Variants in PCSK7 observed in about 807,000 individuals in gnomAD.
PCSK7 encodes proprotein convertase subtilisin/kexin type 7.
PCSK7 carries 38 observed loss-of-function variants against 73.3 expected under a neutral mutation model. The observed-to-expected ratio is 0.52, with a 90% CI of 0.40 to 0.68. The LOEUF (loss-of-function observed/expected upper bound fraction) is 0.68, where lower values mean the gene tolerates loss of function less well. Ranked by LOEUF, PCSK7 falls within the 30% of genes least tolerant of loss-of-function variation. The pLI, the probability that PCSK7 is intolerant of heterozygous loss-of-function variation, is 0.00. For missense variants in PCSK7, 692 were observed against 991.5 expected (o/e 0.70, Z 4.06); for synonymous variants, 296 against 383.8 (o/e 0.77, Z 2.68).
Position 117,206,042 on chromosome 11 carries a change from A to G in PCSK7, c.2313T>C (p.His771=), listed in dbSNP as rs375618194. Residue 771 remains histidine, a synonymous_variant, in exon 17 of 17, where the codon CAT becomes CAC. Coordinates refer to ENST00000320934, the MANE Select transcript of PCSK7 (RefSeq NM_004716.4). ...SQNKSALDCP[H]QHLDVPHGKE... ...TCCCGTGCGGTACGTCTAGGTGCTG[A>G]TGAGGGCAGTCCAGGGCGCTCTTGT... is the stretch of plus-strand genomic sequence containing the variant. 2 of 1,331,216 alleles carry G rather than the reference A, an allele frequency of 1.5e-6. No individual in the cohort carries two copies. Among genetic ancestry groups the G allele is most frequent in the African/African-American group, 1.5e-5 (1 of 66,236 alleles). The allele number at this position is 1,331,216 out of a possible 1,614,324, so 82.5% of individuals were successfully genotyped here.
Position 117,204,506 on chromosome 11 carries a change from T to TGGGCAGCTCCTCCCTGTGCCCCC in PCSK7, c.*1468_*1490dup. The TGGGCAGCTCCTCCCTGTGCCCCC allele has an allele frequency of 8.0e-7, 1 of 1,244,722 alleles. No individual in the cohort carries two copies. The highest frequency in any genetic ancestry group is 1.1e-6 in the Non-Finnish European group (1 of 873,206). The allele number at this position is 1,244,722 out of a possible 1,614,324, so 77.1% of individuals were successfully genotyped here. ...GTCACTGAGCAATGGTAACTGCACC[T>TGGGCAGCTCCTCCCTGTGCCCCC]GGGCAGCTCCTCCCTGTGCCCCCAG... On this transcript the variant is annotated 3_prime_UTR_variant, in exon 17 of 17. Transcript: ENST00000320934.
intron 12 of PCSK7, chr11:117,210,738 A>T (rs1359987402): frequency 6.6e-6 from 1 of 152,170 alleles, no homozygotes; most frequent in Non-Finnish European, 1.5e-5. Context: ...GGCATGGTGG[A>T]GGATAACTTC....
intron 12 of PCSK7, chr11:117,216,118 A>T (rs1159154316): frequency 6.6e-6 from 1 of 152,260 alleles, no homozygotes; most frequent in African/African-American, 2.4e-5. Flanking sequence ...TACAGGTGTG[A>T]GCCACCATGC....
At chr11:117,223,846 G>A in intron 8 of PCSK7, 2 of 539,388 alleles carry the variant, frequency 3.7e-6, no homozygotes, top group South Asian at 4.6e-5. Flanking sequence ...AACCAGCTGT[G>A]GTGGGGTGGA....
chr11:117,204,364 G>C lies in PCSK7; in HGVS notation c.*1633C>G, dbSNP rs759328216. Reference sequence around the variant, plus strand: ...CCTCGGCAGATCATCAGTTAGAGCGGAGAGGGCTAGCCCTGAGCCCGGCCC... The same window carrying C: ...CCTCGGCAGATCATCAGTTAGAGCGCAGAGGGCTAGCCCTGAGCCCGGCCC... On this transcript the variant is annotated 3_prime_UTR_variant, in exon 17 of 17. Transcript: ENST00000320934. 5.0e-6 allele frequency: 8 copies of C among 1,614,070 alleles called. No homozygotes were observed. The highest frequency in any genetic ancestry group is 1.3e-5 in the African/African-American group (1 of 74,898).
Position 117,205,573 on chromosome 11 carries a change from C to T in PCSK7, c.*424G>A, listed in dbSNP as rs535325038. The T allele has an allele frequency of 7.0e-4, 168 of 238,680 alleles. No individual in the cohort carries two copies. The highest frequency in any genetic ancestry group is 3.0e-3 in the African/African-American group (139 of 45,658). The allele number at this position is 238,680 out of a possible 1,614,324, so 14.8% of individuals were successfully genotyped here. On this transcript the variant is annotated 3_prime_UTR_variant, in exon 17 of 17. Transcript: ENST00000320934. Reference sequence around the variant, plus strand: ...AGGCATGTCCAGGGGCTCCTCCCAGCCTCTACCCCGAAGTCCTCTTCCCAA... The same window carrying T: ...AGGCATGTCCAGGGGCTCCTCCCAGTCTCTACCCCGAAGTCCTCTTCCCAA...
chr11:117,230,093 A>C (rs942245629), intron 2 of PCSK7: 1 of 469,544 alleles, frequency 2.1e-6, no homozygotes, highest in Non-Finnish European at 3.8e-6. Flanking sequence ...CCACAGCAAG[A>C]CAGCCAATCC....
rs760671083 is a variant in PCSK7, at chr11:117,204,491, A to G, written c.*1506T>C. Reference sequence around the variant, plus strand: ...AAGCTTTGAGGCTCTGTCACTGAGCAATGGTAACTGCACCTGGGCAGCTCC... The same window carrying G: ...AAGCTTTGAGGCTCTGTCACTGAGCGATGGTAACTGCACCTGGGCAGCTCC... On this transcript the variant is annotated 3_prime_UTR_variant, in exon 17 of 17. Transcript: ENST00000320934. 32 of 1,370,978 alleles carry G rather than the reference A, an allele frequency of 2.3e-5. No individual in the cohort carries two copies. Among genetic ancestry groups the G allele is most frequent in the Non-Finnish European group, 3.0e-5 (29 of 982,560 alleles). The allele number at this position is 1,370,978 out of a possible 1,614,324, so 84.9% of individuals were successfully genotyped here.
chr11:117,210,654 G>C (rs1441858933), intron 12 of PCSK7: 1 of 152,212 alleles, frequency 6.6e-6, no homozygotes, highest in Non-Finnish European at 1.5e-5. Flanking sequence ...ACTGCACCCG[G>C]CCGAATACAA....
chr11:117,226,017 G>T lies in PCSK7; in HGVS notation c.774C>A (p.Ile258=). 1 of 1,595,918 alleles carries T rather than the reference G, an allele frequency of 6.3e-7. No individual in the cohort carries two copies. The highest frequency in any genetic ancestry group is 8.6e-7 in the Non-Finnish European group (1 of 1,163,364). Residue 258 remains isoleucine, a synonymous_variant, in exon 6 of 17, where the codon ATC becomes ATA. Transcript: ENST00000320934. ...GVAYGSRIAG[I]RVLDGPLTDS... is the part of the protein sequence containing the mutation. The stretch of plus-strand genomic sequence containing the variant: ...CTGTGAGAGGTCCATCCAGTACCCG[G>T]ATACCTAGGCAATGAAGGCCACAGC...
At chr11:117,224,872 G>T in intron 6 of PCSK7, 117 bp from the exon 7 acceptor site, 1 of 770,772 alleles carries the variant, frequency 1.3e-6, no homozygotes, top group Non-Finnish European at 2.3e-6. Context: ...TCCTCCCAAG[G>T]GTTCCACTTA....
rs2032324226 is a variant in PCSK7, at chr11:117,224,285, C to T, written c.916-69G>A. The T allele has an allele frequency of 2.0e-6, 3 of 1,478,224 alleles. No individual in the cohort carries two copies. In the South Asian group the frequency reaches 3.5e-5, roughly 17 times the overall value. 91.6% of individuals were successfully genotyped at this position (1,478,224 alleles called of 1,614,324 possible). A position where few individuals can be genotyped will look rare whatever the true frequency, so the allele number is the denominator to read the frequency against. The stretch of plus-strand genomic sequence containing the variant: ...AAAGACCTCCGCCTACCACATCAGT[C>T]ACCCTCTCCACCCCTTCTAGAAACA... On this transcript the variant is annotated intron_variant, in intron 7 of 16. Coordinates refer to ENST00000320934, the MANE Select transcript of PCSK7 (RefSeq NM_004716.4).
chr11:117,205,523 T>C lies in PCSK7; in HGVS notation c.*474A>G, dbSNP rs1198249788. 1 of 234,822 alleles carries C rather than the reference T, an allele frequency of 4.3e-6. No individual in the cohort carries two copies. Among genetic ancestry groups the C allele is most frequent in the African/African-American group, 2.2e-5 (1 of 45,396 alleles). 14.5% of individuals were successfully genotyped at this position (234,822 alleles called of 1,614,324 possible). ...TCTGATCAGGCATCTTGGGAATGGA[T>C]AATGGAGGCAGCCGCTTTCAGGACA... On this transcript the variant is annotated 3_prime_UTR_variant, in exon 17 of 17. Transcript: ENST00000320934.
intron 9 of PCSK7, chr11:117,220,786 AG>A (rs1296435784): frequency 1.3e-5 from 2 of 152,266 alleles, no homozygotes; most frequent in Non-Finnish European, 2.9e-5. Flanking sequence ...CCAGCAAGAG[AG>A]GACTGTGTCC....
intron 12 of PCSK7, chr11:117,216,979 G>C (rs1194228565): frequency 6.6e-6 from 1 of 152,124 alleles, no homozygotes; most frequent in African/African-American, 2.4e-5. Flanking sequence ...AGGAGCTGGG[G>C]GTAGGGAAAA....
Position 117,229,686 on chromosome 11 carries a change from GC to G in PCSK7, c.158del (p.Ser53ThrfsTer32), listed in dbSNP as rs769483629. 5.3e-5 allele frequency: 85 copies of G among 1,613,922 alleles called. No individual in the cohort carries two copies. Among genetic ancestry groups the G allele is most frequent in the Non-Finnish European group, 7.1e-5 (84 of 1,179,822 alleles). ...GPDGQGTGGP[S>X]WAVHLESLEG... ...CCAGGCTTTCCAGGTGCACAGCCCAGCTCGGCCCCCCTGTGCCCTGGCCATC... is the reference window on the plus strand; with the variant it reads ...CCAGGCTTTCCAGGTGCACAGCCCAGTCGGCCCCCCTGTGCCCTGGCCATC... On this transcript the variant is annotated frameshift_variant, in exon 3 of 17. Transcript: ENST00000320934. LOFTEE classifies it high-confidence loss of function.
chr11:117,204,620 C>A lies in PCSK7; in HGVS notation c.*1377G>T, dbSNP rs2134274025. On this transcript the variant is annotated 3_prime_UTR_variant, in exon 17 of 17. Coordinates refer to ENST00000320934, the MANE Select transcript of PCSK7 (RefSeq NM_004716.4). ...TCACCTCTACTGTCTCCTCCCTGGG[C>A]TAAGCAGGGGAGAAGCGGGCTGGGG... 1.7e-6 allele frequency: 1 copy of A among 572,980 alleles called. No individual in the cohort carries two copies. The highest frequency in any genetic ancestry group is 1.8e-5 in the South Asian group (1 of 56,316). 35.5% of individuals were successfully genotyped at this position (572,980 alleles called of 1,614,324 possible).
Position 117,218,441 on chromosome 11 carries a change from A to C in PCSK7, c.1534+25T>G. ...GGCCCCAAACCTCAGGCCTAAGATT[A>C]ACCCCCTTTGTGCTGATTACTTACC... On this transcript the variant is annotated intron_variant, in intron 12 of 16. Transcript: ENST00000320934. This position sits in a 1 kb window ranked among gnomAD's most constrained non-coding sequence, Gnocchi z 4.0. 2.3e-6 allele frequency: 3 copies of C among 1,332,248 alleles called. No homozygotes were observed. Among genetic ancestry groups the C allele is most frequent in the Non-Finnish European group, 3.1e-6 (3 of 957,204 alleles). 82.5% of individuals were successfully genotyped at this position (1,332,248 alleles called of 1,614,324 possible).
intron 12 of PCSK7, chr11:117,216,734 C>G (rs749563893): frequency 7.2e-5 from 11 of 152,100 alleles, no homozygotes; most frequent in Non-Finnish European, 1.5e-4. Flanking sequence ...TGGCTCAACT[C>G]TCATTTTAAC....
Sources: gnomAD v4.1 joint callset for allele counts on GRCh38, gnomAD v4.1.1 for gene constraint, Gnocchi (gnomAD v3.1) non-coding constraint, MANE v1.5 for transcripts, NCBI Gene and HGNC (gene_info 2026-07-23, HGNC 2026-07-21) for gene names.